ERG: variants seen among roughly 807,000 people sequenced by gnomAD.
ERG encodes transcriptional regulator ERG.
ERG carries 9 observed loss-of-function variants against 55.3 expected under a neutral mutation model. The observed-to-expected ratio is 0.16, with a 90% CI of 0.10 to 0.28. ERG has a LOEUF of 0.28. ERG is among the 10% of genes least tolerant of loss of function. The probability of loss-of-function intolerance (pLI) is 1.00; values close to 1 mark genes in which losing one functional copy is unlikely to be tolerated. For synonymous variants in ERG, 223 were observed against 237.3 expected, an observed-to-expected ratio of 0.94 and a Z score of 0.55; for missense variants, 434 against 631.6, an observed-to-expected ratio of 0.69 and a Z score of 3.35.
intron 2 of ERG, among the ~76,000 whole-genome samples, chr21:38,520,801 A>G (rs1026026872): frequency 6.6e-6 from 1 of 152,218 alleles, no homozygotes; most frequent in Non-Finnish European, 1.5e-5. Context: ...GTTAAGGCTT[A>G]ACAACTGCGA....
intron 1 of ERG, among the ~76,000 whole-genome samples, chr21:38,497,821 C>T (rs1291772645): frequency 6.6e-6 from 1 of 152,160 alleles, no homozygotes; most frequent in African/African-American, 2.4e-5. Flanking sequence ...GTTACGTGAG[C>T]ACTCAGTTCT....
intron 2 of ERG, among the ~76,000 whole-genome samples, chr21:38,563,022 G>A (rs2059902103): frequency 6.6e-6 from 1 of 152,188 alleles, no homozygotes. Context: ...AAGAAAATCT[G>A]AAAAGGCTAC....
At chr21:38,373,666 C>T in the ERG span, among the ~76,000 whole-genome samples, 5 of 152,318 alleles carry the variant, frequency 3.3e-5, no homozygotes, top group African/African-American at 7.2e-5. Flanking sequence ...CTCTACTTCT[C>T]ATCTTCAAAT....
chr21:38,367,772 G>C, the ERG span: 1 of 409,714 alleles, frequency 2.4e-6, no homozygotes. Flanking sequence ...CCAACAGAGG[G>C]CATTTGGCAG....
chr21:38,401,427 A>C (rs533491033), intron 5 of ERG, among the ~76,000 whole-genome samples: 1 of 152,348 alleles, frequency 6.6e-6, no homozygotes, highest in Non-Finnish European at 1.5e-5. Flanking sequence ...TGCAACCAAA[A>C]TTATTGAAAA....
chr21:38,401,998 G>T (rs146628427), intron 5 of ERG, among the ~76,000 whole-genome samples: 2 of 152,308 alleles, frequency 1.3e-5, no homozygotes, highest in African/African-American at 4.8e-5. Context: ...TATAGCAGAG[G>T]TTCCCTCTGA....
chr21:38,654,488 T>C (rs929415937), intron 1 of ERG, among the ~76,000 whole-genome samples: 2 of 152,220 alleles, frequency 1.3e-5, no homozygotes, highest in East Asian at 1.9e-4. Flanking sequence ...AATAAATACA[T>C]AAATAAAATC....
intron 1 of ERG, among the ~76,000 whole-genome samples, chr21:38,637,710 C>T (rs1366620290): frequency 6.6e-6 from 1 of 152,096 alleles, no homozygotes; most frequent in Non-Finnish European, 1.5e-5. Flanking sequence ...ACTGTAATAT[C>T]AACTGTCTGT....
chr21:38,543,945 C>G (rs2059771517), intron 2 of ERG, among the ~76,000 whole-genome samples: 1 of 152,018 alleles, frequency 6.6e-6, no homozygotes, highest in African/African-American at 2.4e-5. Context: ...CCATGTTGGC[C>G]AGGCTGGTCG....
intron 1 of ERG, among the ~76,000 whole-genome samples, chr21:38,582,946 C>T (rs914151): frequency 0.41 from 62,913 of 152,080 alleles, 15,333 homozygotes; most frequent in Non-Finnish European, 0.55. Flanking sequence ...GAAAAATAAT[C>T]CTCAATAAAT....
chr21:38,380,143 CT>C lies in ERG; in HGVS notation c.*3259del. The stretch of plus-strand genomic sequence containing the variant: ...AAACTAGCTTTTTAAAAAATATTTT[CT>C]TCTCTTTCTCCAGGCAATGGGTCAC... On this transcript the variant is annotated 3_prime_UTR_variant, in exon 10 of 10. Coordinates refer to ENST00000288319, the MANE Select transcript of ERG (RefSeq NM_182918.4). 3 of 1,037,992 alleles carry C rather than the reference CT, an allele frequency of 2.9e-6. No individual in the cohort carries two copies. The highest frequency in any genetic ancestry group is 3.5e-6 in the Non-Finnish European group (3 of 862,124). The allele number at this position is 1,037,992 out of a possible 1,614,324, so 64.3% of individuals were successfully genotyped here.
At chr21:38,504,142 T>C (rs1438166999) in intron 2 of ERG, among the ~76,000 whole-genome samples, 1 of 152,240 alleles carries the variant, frequency 6.6e-6, no homozygotes, top group Non-Finnish European at 1.5e-5. Flanking sequence ...GTGGTGAATG[T>C]ATTCTTCAGT....
intron 2 of ERG, among the ~76,000 whole-genome samples, chr21:38,442,804 T>A (rs779723805): frequency 6.6e-6 from 1 of 152,202 alleles, no homozygotes; most frequent in Non-Finnish European, 1.5e-5. Context: ...CTTATTTTTT[T>A]ATTTTTTATT....
At chr21:38,598,835 G>A (rs1382544958) in intron 1 of ERG, among the ~76,000 whole-genome samples, 1 of 152,222 alleles carries the variant, frequency 6.6e-6, no homozygotes, top group Non-Finnish European at 1.5e-5. Flanking sequence ...AGGAGGAGTT[G>A]GGAGACATCT....
At chr21:38,454,544 G>A (rs1376767411) in intron 1 of ERG, among the ~76,000 whole-genome samples, 1 of 152,172 alleles carries the variant, frequency 6.6e-6, no homozygotes, top group East Asian at 1.9e-4. Context: ...AACTATAAAG[G>A]TGGTACTGAT....
At chr21:38,587,444 C>T (rs897270768), upstream of ERG, among the ~76,000 whole-genome samples, 47 of 151,904 alleles carry the variant, frequency 3.1e-4, no homozygotes, top group African/African-American at 7.7e-4. Context: ...CTGCAACCTC[C>T]GCCTCCCAGG....
chr21:38,436,020 C>CTTTTTTTTTTT (rs11384369), intron 2 of ERG, among the ~76,000 whole-genome samples: 1 of 133,334 alleles, frequency 7.5e-6, no homozygotes, highest in Admixed American at 7.9e-5. Context: ...TTCTTTTTTT[C>CTTTTTTTTTTT]TTTTTTTTTT....
At chr21:38,516,529 A>T (rs1312941939) in intron 2 of ERG, among the ~76,000 whole-genome samples, 1 of 152,002 alleles carries the variant, frequency 6.6e-6, no homozygotes, top group Non-Finnish European at 1.5e-5. Context: ...CATTAAAATG[A>T]CCACACCACC....
chr21:38,532,107 GAAC>G (rs1410967923), intron 2 of ERG, among the ~76,000 whole-genome samples: 2 of 152,122 alleles, frequency 1.3e-5, no homozygotes, highest in African/African-American at 2.4e-5. Context: ...AAGAGAATAA[GAAC>G]AAGAAAGTTC....
Sources: gnomAD v4.1 joint callset for allele counts (sites outside exome capture counted in the v4.1 genomes callset) on GRCh38, gnomAD v4.1.1 for gene constraint, MANE v1.5 for transcripts, NCBI Gene and HGNC (gene_info 2026-07-23, HGNC 2026-07-21) for gene names.